PLPP4: variants seen among roughly 807,000 people sequenced by gnomAD.
PLPP4 encodes the protein diacylglycerol pyrophosphate like 2.
A neutral mutation model predicts 32.2 loss-of-function variants in PLPP4; 20 were observed. The observed-to-expected ratio is 0.62, with a 90% CI of 0.44 to 0.90. The LOEUF (loss-of-function observed/expected upper bound fraction) is 0.90. Ranked by LOEUF, PLPP4 falls within the 40% of genes least tolerant of loss-of-function variation. The probability of loss-of-function intolerance (pLI) is 0.00; values close to 1 mark genes in which losing one functional copy is unlikely to be tolerated. For synonymous variants in PLPP4, 127 were observed against 133.0 expected (o/e 0.95, Z 0.31); for missense variants, 257 against 353.1 (o/e 0.73, Z 2.18).
At chr10:120,558,933 T>C (rs1355647941) in intron 5 of PLPP4, among the ~76,000 whole-genome samples, 1 of 152,232 alleles carries the variant, frequency 6.6e-6, no homozygotes, top group African/African-American at 2.4e-5. Context: ...TCTTCAGCTT[T>C]AATAACTAAT....
chr10:120,510,507 C>T (rs11199372), intron 2 of PLPP4, among the ~76,000 whole-genome samples: 2,290 of 152,332 alleles, frequency 0.015, 80 homozygotes, highest in East Asian at 0.086. Context: ...CCCCACCTTA[C>T]GTCCCTCTGT....
chr10:120,591,647 A>G lies in PLPP4; in HGVS notation c.*2145A>G, dbSNP rs911124973. On this transcript the variant is annotated 3_prime_UTR_variant, in exon 7 of 7. Transcript: ENST00000398250. Reference sequence around the variant, plus strand: ...AAAAAACCCCATCCTGATGTGGCCCACATTCTTATTTGATTCTAGTTTTAT... The same window carrying G: ...AAAAAACCCCATCCTGATGTGGCCCGCATTCTTATTTGATTCTAGTTTTAT... Among the ~76,000 whole-genome samples, 3 of 151,888 alleles carry G rather than the reference A, an allele frequency of 2.0e-5. No individual in the cohort carries two copies. Among genetic ancestry groups the G allele is most frequent in the Non-Finnish European group, 2.9e-5 (2 of 67,992 alleles).
chr10:120,519,613 T>C (rs1846070274), intron 4 of PLPP4, among the ~76,000 whole-genome samples: 1 of 152,074 alleles, frequency 6.6e-6, no homozygotes, highest in African/African-American at 2.4e-5. Context: ...CTCTCAGGCC[T>C]CACCCCTCTG....
chr10:120,586,606 G>GA (rs1224875929), intron 6 of PLPP4, among the ~76,000 whole-genome samples: 1 of 152,096 alleles, frequency 6.6e-6, no homozygotes, highest in Non-Finnish European at 1.5e-5. Context: ...TGGGAAAGGG[G>GA]CATGCCCAAA....
intron 5 of PLPP4, among the ~76,000 whole-genome samples, chr10:120,531,612 T>A (rs1846725147): frequency 6.6e-6 from 1 of 152,180 alleles, no homozygotes; most frequent in African/African-American, 2.4e-5. Flanking sequence ...TTGTTTATAG[T>A]ATGAGGTAGA....
intron 5 of PLPP4, among the ~76,000 whole-genome samples, chr10:120,529,402 G>A (rs931601791): frequency 3.3e-5 from 5 of 152,242 alleles, no homozygotes; most frequent in Middle Eastern, 3.4e-3. Context: ...TGTTAAATTC[G>A]TCCACTCTCC....
intron 1 of PLPP4, among the ~76,000 whole-genome samples, chr10:120,462,099 C>T (rs1475490437): frequency 2.0e-5 from 3 of 152,162 alleles, no homozygotes; most frequent in Admixed American, 2.0e-4. Flanking sequence ...CTGCCCAGGG[C>T]TGAGCACCGA....
At position 120,589,810 on chromosome 10, in the gene PLPP4, T is replaced by G. The variant is rs1431578058; in HGVS notation, c.*308T>G. On this transcript the variant is annotated 3_prime_UTR_variant, in exon 7 of 7. Transcript: ENST00000398250. Reference sequence around the variant, plus strand: ...GCTGTAACAGCCACCTTCCTATGTTTTCATGGTTGTAAAACATAATAAAAC... The same window carrying G: ...GCTGTAACAGCCACCTTCCTATGTTGTCATGGTTGTAAAACATAATAAAAC... The G allele has an allele frequency of 3.5e-5, 11 of 318,658 alleles. No homozygotes were observed. The highest frequency in any genetic ancestry group is 6.4e-5 in the Non-Finnish European group (11 of 172,092). 19.7% of individuals were successfully genotyped at this position (318,658 alleles called of 1,614,324 possible). A position where few individuals can be genotyped will look rare whatever the true frequency, so the allele number is the denominator to read the frequency against.
intron 5 of PLPP4, among the ~76,000 whole-genome samples, chr10:120,559,615 GT>G (rs1467130981): frequency 4.0e-5 from 6 of 150,372 alleles, no homozygotes; most frequent in Non-Finnish European, 5.9e-5. Context: ...GCACTTATAT[GT>G]GGATTTTTTT....
At position 120,498,651 on chromosome 10, in the gene PLPP4, ATTCTTTTTTTTTTT is replaced by A. The variant is rs910362076; in HGVS notation, c.57-5153_57-5140del. ...TGTACATAGACACACCAGCTCTTCT[ATTCTTTTTTTTTTT>A]TTCTTTTTTTTTTGAGATGGAGTCT... On this transcript the variant is annotated intron_variant, in intron 1 of 6. Transcript: ENST00000398250. Among the ~76,000 whole-genome samples the A allele has an allele frequency of 6.0e-5, 8 of 133,926 alleles. No homozygotes were observed. The East Asian group carries it at 1.2e-3, about 20-fold the overall frequency. The allele number at this position is 133,926 out of a possible 152,430, so 87.9% of individuals were successfully genotyped here. A position where few individuals can be genotyped will look rare whatever the true frequency, so the allele number is the denominator to read the frequency against.
chr10:120,492,577 A>T (rs1207962123), intron 1 of PLPP4, among the ~76,000 whole-genome samples: 2 of 152,178 alleles, frequency 1.3e-5, no homozygotes, highest in African/African-American at 4.8e-5. Context: ...CTGCTGAGAT[A>T]GTGGCAGTTA....
Position 120,496,284 on chromosome 10 carries a change from CA to C in PLPP4, c.57-7533del, listed in dbSNP as rs1272529091. Reference sequence around the variant, plus strand: ...ACTTGACTTTGAATTAGAAGAGAGCCAGGGGGAGAGTGGCATCACTGTCCCT... The same window carrying C: ...ACTTGACTTTGAATTAGAAGAGAGCCGGGGGAGAGTGGCATCACTGTCCCT... On this transcript the variant is annotated intron_variant, in intron 1 of 6. Transcript: ENST00000398250. 1.5e-4 allele frequency among the ~76,000 whole-genome samples: 23 copies of C among 152,300 alleles called. No homozygotes were observed. The East Asian group carries it at 4.4e-3, about 29-fold the overall frequency.
chr10:120,531,936 A>C (rs545224816), intron 5 of PLPP4, among the ~76,000 whole-genome samples: 8 of 151,900 alleles, frequency 5.3e-5, no homozygotes, highest in Non-Finnish European at 1.2e-4. Flanking sequence ...TATACTTTTA[A>C]GTTCTGGGAT....
intron 5 of PLPP4, among the ~76,000 whole-genome samples, chr10:120,544,479 G>A (rs1021620671): frequency 4.6e-5 from 7 of 152,054 alleles, no homozygotes; most frequent in African/African-American, 1.7e-4. Flanking sequence ...GCAACACAGA[G>A]CCCTGGTCAA....
intron 1 of PLPP4, among the ~76,000 whole-genome samples, chr10:120,476,709 C>G (rs968510452): frequency 6.6e-6 from 1 of 152,180 alleles, no homozygotes; most frequent in African/African-American, 2.4e-5. Flanking sequence ...GCCTCTACCT[C>G]TACTTGTATT....
intron 5 of PLPP4, among the ~76,000 whole-genome samples, chr10:120,552,952 T>TCTG (rs1416023639): frequency 6.6e-6 from 1 of 152,238 alleles, no homozygotes; most frequent in Non-Finnish European, 1.5e-5. Context: ...AGGTAGCACT[T>TCTG]CTGCTGTGCT....
intron 5 of PLPP4, among the ~76,000 whole-genome samples, chr10:120,539,026 T>C (rs2133956412): frequency 6.6e-6 from 1 of 152,348 alleles, no homozygotes; most frequent in South Asian, 2.1e-4. Context: ...CCTTGGCTTT[T>C]GCACTTGCCC....
chr10:120,580,371 A>G (rs1295291455), intron 6 of PLPP4, among the ~76,000 whole-genome samples: 1 of 152,090 alleles, frequency 6.6e-6, no homozygotes, highest in Non-Finnish European at 1.5e-5. Flanking sequence ...GTCAACTGTC[A>G]TGGTGCTAGT....
At chr10:120,584,643 C>G (rs1215339814) in intron 6 of PLPP4, among the ~76,000 whole-genome samples, 1 of 152,192 alleles carries the variant, frequency 6.6e-6, no homozygotes, top group Non-Finnish European at 1.5e-5. Flanking sequence ...TTGTCCCCTG[C>G]TTGCCTGTCT....
Sources: allele counts gnomAD v4.1 joint callset (sites outside exome capture counted in the v4.1 genomes callset), GRCh38; gene constraint gnomAD v4.1.1; transcripts MANE v1.5; gene names NCBI Gene and HGNC (gene_info 2026-07-23, HGNC 2026-07-21).